The following HFM1 variants were observed in gnomAD, a reference collection of about 807,000 sequenced individuals.
The protein encoded by HFM1 is helicase for meiosis 1, also known as probable ATP-dependent DNA helicase HFM1.
Under a neutral mutation model 192.1 loss-of-function variants are expected in HFM1, and 169 were observed. That is an observed-to-expected ratio of 0.88 (90% confidence interval 0.78 to 1.00). HFM1 has a LOEUF of 1.00. HFM1 is among the 50% of genes least tolerant of loss of function. The pLI, the probability that HFM1 is intolerant of heterozygous loss-of-function variation, is 0.00. For synonymous variants in HFM1, 525 were observed against 537.8 expected, an observed-to-expected ratio of 0.98 and a Z score of 0.33; for missense variants, 1,661 against 1,668.0, an observed-to-expected ratio of 1.00 and a Z score of 0.07.
chr1:91,288,519 C>T (rs1429580787), intron 30 of HFM1, among the ~76,000 whole-genome samples: 5 of 151,750 alleles, frequency 3.3e-5, no homozygotes, highest in African/African-American at 7.3e-5. Context: ...AGGCAGAGGG[C>T]CCTGCTGCCT....
intron 30 of HFM1, among the ~76,000 whole-genome samples, chr1:91,289,481 A>G (rs1295136341): frequency 6.6e-6 from 1 of 152,148 alleles, no homozygotes; most frequent in East Asian, 1.9e-4. Context: ...AGAGGCTGCA[A>G]TCTCGGCACT....
intron 13 of HFM1, among the ~76,000 whole-genome samples, chr1:91,368,229 T>G (rs1384473389): frequency 6.6e-6 from 1 of 152,072 alleles, no homozygotes; most frequent in East Asian, 1.9e-4. Context: ...AACATTCAAA[T>G]TTAGGAAATA....
chr1:91,264,374 T>TC (rs1665502924), intron 36 of HFM1, among the ~76,000 whole-genome samples: 1 of 97,522 alleles, frequency 1.0e-5, no homozygotes, highest in Non-Finnish European at 2.1e-5. Context: ...TTTTTTTTTT[T>TC]TTTTTTTTTT....
chr1:91,351,621 A>G lies in HFM1; in HGVS notation c.2000T>C (p.Val667Ala). The G allele has an allele frequency of 6.3e-7, 1 of 1,598,946 alleles. No individual in the cohort carries two copies. The highest frequency in any genetic ancestry group is 8.5e-7 in the Non-Finnish European group (1 of 1,170,410). ...RPQFDTTATA[V>A]IMTRLSTRDK... ...CCTTGTGCTTAATCGAGTCATGATA[A>G]CTGCAGTAGCTGTAGTGTCAAACTG... is the stretch of plus-strand genomic sequence containing the variant. The change falls in exon 17 of 39, where the codon GTT becomes GCT. Residue 667 changes from valine (V) to alanine (A), a missense_variant. Coordinates refer to ENST00000370425, the MANE Select transcript of HFM1 (RefSeq NM_001017975.6).
intron 6 of HFM1, among the ~76,000 whole-genome samples, chr1:91,381,570 A>C (rs1661555822): frequency 6.6e-6 from 1 of 152,182 alleles, no homozygotes. Flanking sequence ...AAATATTAAC[A>C]GATATGAAGA....
At chr1:91,392,310 C>T (rs1390583756) in intron 4 of HFM1, among the ~76,000 whole-genome samples, 1 of 152,146 alleles carries the variant, frequency 6.6e-6, no homozygotes, top group Non-Finnish European at 1.5e-5. Context: ...ATGTTTATTG[C>T]GGCACTATTC....
chr1:91,345,610 C>T (rs1411203322), intron 19 of HFM1, among the ~76,000 whole-genome samples: 1 of 152,134 alleles, frequency 6.6e-6, no homozygotes, highest in Non-Finnish European at 1.5e-5. Context: ...TCAGAAAATG[C>T]TGACTCAAGG....
rs767900081 is a variant in HFM1 at position 91,378,516 on chromosome 1, T to G, written c.1159-36A>C. 5.9e-6 allele frequency: 7 copies of G among 1,194,940 alleles called. No homozygotes were observed. The Admixed American group carries it at 1.3e-4, about 21-fold the overall frequency. The allele number at this position is 1,194,940 out of a possible 1,614,324, so 74.0% of individuals were successfully genotyped here. ...AAAAAAGCATACAAGTAGTTTAATG[T>G]GATAAGGAATTATAATAAATATTAA... On this transcript the variant is annotated intron_variant, in intron 9 of 38. Transcript: ENST00000370425.
rs137956361 is a variant in HFM1 at position 91,314,150 on chromosome 1, T to C, written c.3141-90A>G. On this transcript the variant is annotated intron_variant, in intron 28 of 38. Coordinates refer to ENST00000370425, the MANE Select transcript of HFM1 (RefSeq NM_001017975.6). ...GGCTGATTGTTCTTAAGAAAGATACTCTCTAGTAGTAAACTGAAATCAATT... is the reference window on the plus strand; with the variant it reads ...GGCTGATTGTTCTTAAGAAAGATACCCTCTAGTAGTAAACTGAAATCAATT... The C allele has an allele frequency of 8.2e-3, 5,719 of 700,710 alleles. 36 individuals are homozygous for C. Among genetic ancestry groups the C allele is most frequent in the Non-Finnish European group, 0.01 (4,493 of 429,306 alleles). 43.4% of individuals were successfully genotyped at this position (700,710 alleles called of 1,614,324 possible).
intron 19 of HFM1, among the ~76,000 whole-genome samples, chr1:91,346,339 A>C (rs1656136102): frequency 6.6e-6 from 1 of 152,204 alleles, no homozygotes; most frequent in African/African-American, 2.4e-5. Context: ...ATTATTTTCA[A>C]AATATATGTT....
intron 36 of HFM1, among the ~76,000 whole-genome samples, chr1:91,263,706 T>G (rs995824583): frequency 1.3e-5 from 2 of 152,172 alleles, no homozygotes; most frequent in Non-Finnish European, 2.9e-5. Context: ...TAAGCCCTAA[T>G]TATGCCACTG....
intron 30 of HFM1, among the ~76,000 whole-genome samples, chr1:91,289,612 C>T (rs1393619574): frequency 6.6e-6 from 1 of 152,176 alleles, no homozygotes; most frequent in Non-Finnish European, 1.5e-5. Flanking sequence ...GCAATCCTGG[C>T]ACCTTGGGAG....
intron 13 of HFM1, among the ~76,000 whole-genome samples, chr1:91,372,734 TAAAAA>T (rs200470596): frequency 6.6e-6 from 1 of 151,904 alleles, no homozygotes; most frequent in Non-Finnish European, 1.5e-5. Flanking sequence ...TAAAGTATAA[TAAAAA>T]AAAGAAAATT....
At chr1:91,337,673 T>C (rs1302292142) in intron 20 of HFM1, among the ~76,000 whole-genome samples, 2 of 152,176 alleles carry the variant, frequency 1.3e-5, no homozygotes, top group African/African-American at 2.4e-5. Context: ...CCCTGTGACC[T>C]GCAGATACTG....
In HFM1 at chr1:91,403,329, A is replaced by C. The variant is rs116140726; in HGVS notation, c.-28+1469T>G. The stretch of plus-strand genomic sequence containing the variant: ...TGTCAAATAAAAATAATTTTCTGTT[A>C]ATTTAGAAACTTAAAATTTGAGCCC... On this transcript the variant is annotated intron_variant, in intron 1 of 38. Coordinates refer to ENST00000370425, the MANE Select transcript of HFM1 (RefSeq NM_001017975.6). 6.2e-3 allele frequency among the ~76,000 whole-genome samples: 943 copies of C among 152,292 alleles called. 8 individuals carry two copies. The highest frequency in any genetic ancestry group is 0.022 in the African/African-American group (897 of 41,576).
Position 91,328,697 on chromosome 1 carries a change from G to A in HFM1, c.2336-3931C>T, listed in dbSNP as rs1299875114. 102 of 1,602,628 alleles carry A rather than the reference G, an allele frequency of 6.4e-5. 1 individual carries two copies. The East Asian group carries it at 2.3e-3, about 36-fold the overall frequency. ...GCCAAATGCAGTGAACTGCGGGGCT[G>A]AGGCAGAGAAGCAGCTACAGCAGGC... On this transcript the variant is annotated intron_variant, in intron 20 of 38. Transcript: ENST00000370425.
Position 91,329,385 on chromosome 1 carries a change from C to T in HFM1, c.2336-4619G>A, listed in dbSNP as rs1049653766. ...GAGTAAGAGTCATTAAGGCAGCACC[C>T]AGGGCCGCCTGGATGATTTCTTCAA... On this transcript the variant is annotated intron_variant, in intron 20 of 38. Transcript: ENST00000370425. 8 of 1,587,680 alleles carry T rather than the reference C, an allele frequency of 5.0e-6. No homozygotes were observed. In the African/African-American group the frequency reaches 8.1e-5, roughly 16 times the overall value.
At chr1:91,273,950 G>T (rs1004586325) in intron 33 of HFM1, 135 bp from the exon 34 acceptor site, 1 of 558,932 alleles carries the variant, frequency 1.8e-6, no homozygotes, top group Non-Finnish European at 3.1e-6. Flanking sequence ...ACCCAGGCTG[G>T]GTAGCAAATA....
intron 30 of HFM1, among the ~76,000 whole-genome samples, chr1:91,302,671 A>G (rs1372154693): frequency 9.9e-5 from 15 of 151,980 alleles, no homozygotes; most frequent in Admixed American, 4.6e-4. Flanking sequence ...TTCTCAGCAA[A>G]CTATCGCAAG....
Sources: allele counts gnomAD v4.1 joint callset (sites outside exome capture counted in the v4.1 genomes callset), GRCh38; gene constraint gnomAD v4.1.1; transcripts MANE v1.5; gene names NCBI Gene and HGNC (gene_info 2026-07-23, HGNC 2026-07-21).